ABCA13: variants seen among roughly 807,000 people sequenced by gnomAD.
ABCA13 encodes the protein ATP-binding cassette sub-family A member 13.
Under a neutral mutation model 478.7 loss-of-function variants are expected in ABCA13, and 476 were observed. The ratio of observed to expected loss-of-function variants is 0.99; its 90% CI spans 0.92 to 1.07. The LOEUF is 1.07. ABCA13 is among the 50% of genes least tolerant of loss of function. The pLI, the probability that ABCA13 is intolerant of heterozygous loss-of-function variation, is 0.00. For missense variants in ABCA13, 6,060 were observed against 5,910.6 expected, an observed-to-expected ratio of 1.03 and a Z score of -0.83; for synonymous variants, 2,252 against 2,158.9, an observed-to-expected ratio of 1.04 and a Z score of -1.20.
chr7:48,368,202 A>G (rs1811990516), intron 32 of ABCA13, among the ~76,000 whole-genome samples: 1 of 152,188 alleles, frequency 6.6e-6, no homozygotes, highest in Admixed American at 6.6e-5. Context: ...AACCCAGAAA[A>G]ACATAGCAGC....
At chr7:48,546,114 G>A (rs1257521249) in intron 55 of ABCA13, among the ~76,000 whole-genome samples, 1 of 151,752 alleles carries the variant, frequency 6.6e-6, no homozygotes, top group African/African-American at 2.4e-5. Flanking sequence ...AAGGTGGCAG[G>A]TCACCACAAA....
intron 19 of ABCA13, among the ~76,000 whole-genome samples, chr7:48,282,476 C>T (rs1053889316): frequency 2.6e-5 from 4 of 152,024 alleles, no homozygotes; most frequent in Non-Finnish European, 4.4e-5. Context: ...AATCGAAGCC[C>T]AGAAGAGGAG....
rs1343842789 is a variant in ABCA13, at chr7:48,272,174, A to G, written c.2508A>G (p.Glu836=). Residue 836 remains glutamate (E), a synonymous_variant, in exon 17 of 62, where the codon GAA becomes GAG. Coordinates refer to ENST00000435803, the MANE Select transcript of ABCA13 (RefSeq NM_152701.5). ...TTGAAATTAATCCCAAATTACTAGA[A>G]TTATGGGCCTATGGCATTTCAAAAG... ...ILFEINPKLL[E]LWAYGISKGK... 1.2e-6 allele frequency: 2 copies of G among 1,613,124 alleles called. No homozygotes were observed. Among genetic ancestry groups the G allele is most frequent in the Admixed American group, 3.3e-5 (2 of 59,890 alleles).
At chr7:48,175,461 C>T (rs1450877046) in intron 1 of ABCA13, among the ~76,000 whole-genome samples, 7 of 152,126 alleles carry the variant, frequency 4.6e-5, no homozygotes. Flanking sequence ...GCTCATGTCA[C>T]CCAGGCTGGA....
At chr7:48,249,419 C>G in intron 15 of ABCA13, 68 bp downstream of exon 15, 1 of 1,590,060 alleles carries the variant, frequency 6.3e-7, no homozygotes, top group South Asian at 1.2e-5. Context: ...ACATAATTTC[C>G]TGAGAGTCCA....
chr7:48,220,487 G>A (rs1024822649), intron 4 of ABCA13, among the ~76,000 whole-genome samples: 2 of 152,150 alleles, frequency 1.3e-5, no homozygotes, highest in African/African-American at 4.8e-5. Flanking sequence ...CTTTCTTCAT[G>A]GAGTGTATAC....
At chr7:48,474,810 T>C (rs756669686) in intron 45 of ABCA13, among the ~76,000 whole-genome samples, 8 of 152,332 alleles carry the variant, frequency 5.3e-5, no homozygotes, top group Non-Finnish European at 8.8e-5. Context: ...TCTATTATAG[T>C]AGTGGCTTTT....
At chr7:48,210,855 A>G (rs1300717349) in intron 3 of ABCA13, among the ~76,000 whole-genome samples, 1 of 152,132 alleles carries the variant, frequency 6.6e-6, no homozygotes, top group Admixed American at 6.5e-5. Context: ...TATTAGGTTC[A>G]TTTCATCTAT....
chr7:48,513,619 C>T lies in ABCA13; in HGVS notation c.13640+2420C>T, dbSNP rs1475752527. ...GATTTTCAAAAGGGGAATTTTCTTCCGCCATAAATTCCATGATGTTGTGAA... is the reference window on the plus strand; with the variant it reads ...GATTTTCAAAAGGGGAATTTTCTTCTGCCATAAATTCCATGATGTTGTGAA... On this transcript the variant is annotated intron_variant, in intron 51 of 61. Transcript: ENST00000435803. 3.9e-5 allele frequency among the ~76,000 whole-genome samples: 6 copies of T among 152,182 alleles called. No homozygotes were observed. The South Asian group carries it at 6.2e-4, about 16-fold the overall frequency.
Position 48,309,977 on chromosome 7 carries a change from T to G in ABCA13, c.9352T>G (p.Ser3118Ala). 6.2e-7 allele frequency: 1 copy of G among 1,613,890 alleles called. No homozygotes were observed. The highest frequency in any genetic ancestry group is 8.5e-7 in the Non-Finnish European group (1 of 1,179,796). Residue 3118 changes from serine (S) to alanine (A), a missense_variant, in exon 24 of 62, where the codon TCT becomes GCT. This residue lies in a region of ABCA13 where 4,423 missense variants were observed against 4,309.1 expected (regional missense o/e 1.03). Transcript: ENST00000435803. ...CTTCAGTGCCCTCACCGTAGCTCTGTCTGGAAAGTGTGATCAGGAAATCCT... is the reference window on the plus strand; with the variant it reads ...CTTCAGTGCCCTCACCGTAGCTCTGGCTGGAAAGTGTGATCAGGAAATCCT... Reference protein sequence around the residue: ...VLFSALTVALSGKCDQEILHL... With the variant: ...VLFSALTVALAGKCDQEILHL...
At chr7:48,563,963 A>G (rs952112478) in intron 55 of ABCA13, among the ~76,000 whole-genome samples, 14 of 152,112 alleles carry the variant, frequency 9.2e-5, no homozygotes, top group African/African-American at 2.4e-4. Context: ...TACAGGGACT[A>G]TATTAACTCT....
In ABCA13 at chr7:48,454,841, AGCCTTCCG is replaced by A. The variant is rs1174301188; in HGVS notation, c.12566-192_12566-185del. ...GCCACGAGGCTTCCTCTTGCATTGC[AGCCTTCCG>A]GCCCAAGGCCCAGCTTCCGCACTTT... On this transcript the variant is annotated intron_variant, in intron 42 of 61. Coordinates refer to ENST00000435803, the MANE Select transcript of ABCA13 (RefSeq NM_152701.5). 2.0e-5 allele frequency among the ~76,000 whole-genome samples: 3 copies of A among 152,268 alleles called. No homozygotes were observed. In the East Asian group the frequency reaches 5.8e-4, roughly 29 times the overall value.
chr7:48,344,646 G>GT (rs1026317591), intron 29 of ABCA13, among the ~76,000 whole-genome samples: 14 of 152,040 alleles, frequency 9.2e-5, no homozygotes, highest in Non-Finnish European at 7.3e-5. Flanking sequence ...GGCCCTATGT[G>GT]TTTTTCTTGG....
intron 1 of ABCA13, among the ~76,000 whole-genome samples, chr7:48,192,079 A>G (rs1188694103): frequency 2.6e-5 from 4 of 152,360 alleles, no homozygotes; most frequent in Middle Eastern, 3.4e-3. Context: ...CATGAATTCA[A>G]TACAAGATTA....
chr7:48,392,076 T>A lies in ABCA13; in HGVS notation c.11810T>A (p.Leu3937Gln), dbSNP rs573959262. 2.5e-6 allele frequency: 4 copies of A among 1,613,998 alleles called. No individual in the cohort carries two copies. In the Admixed American group the frequency reaches 5.0e-5, roughly 20 times the overall value. ...LDNLTVREHL[L>Q]LFASIKAPQW... ...AACCTCACCGTCCGGGAACATTTGC[T>A]GCTCTTTGCTTCCATAAAGGCGCCT... Residue 3937 changes from leucine to glutamine, a missense_variant, in exon 38 of 62, where the codon CTG becomes CAG. By Grantham distance (113) the Leu-to-Gln change is moderately radical. This residue lies in a region of ABCA13 where 1,627 missense variants were observed against 1,571.0 expected (regional missense o/e 1.04). Coordinates refer to ENST00000435803, the MANE Select transcript of ABCA13 (RefSeq NM_152701.5).
intron 31 of ABCA13, among the ~76,000 whole-genome samples, 163 bp downstream of exon 31, chr7:48,352,650 G>C (rs371572681): frequency 5.9e-5 from 9 of 152,136 alleles, no homozygotes; most frequent in Admixed American, 3.3e-4. Flanking sequence ...TTATATGCTT[G>C]TACTCTTCAG....
Position 48,278,959 on chromosome 7 carries a change from G to A in ABCA13, c.7765G>A (p.Asp2589Asn), listed in dbSNP as rs759440341. 17 of 1,613,426 alleles carry A rather than the reference G, an allele frequency of 1.1e-5. No homozygotes were observed. In the East Asian group the frequency reaches 3.6e-4, roughly 34 times the overall value. ...TCATTTCACATTTGAAAAGATAAATGATTTGTTGGTGCCATTTCTTGACTT... is the reference window on the plus strand; with the variant it reads ...TCATTTCACATTTGAAAAGATAAATAATTTGTTGGTGCCATTTCTTGACTT... ...IDHFTFEKIN[D>N]LLVPFLDLAF... The change falls in exon 18 of 62, where the codon GAT becomes AAT. Residue 2589 changes from aspartate to asparagine, a missense_variant. Around this residue, in one of 3 missense-constraint regions of ABCA13, gnomAD observed 4,423 missense variants for 4,309.1 expected, o/e 1.03. Transcript: ENST00000435803.
chr7:48,614,739 C>A (rs1792379971), intron 58 of ABCA13, among the ~76,000 whole-genome samples: 2 of 150,156 alleles, frequency 1.3e-5, no homozygotes, highest in South Asian at 2.1e-4. Flanking sequence ...TTTGTAGGGA[C>A]ATGGATGAAA....
At position 48,389,118 on chromosome 7, in the gene ABCA13, A is replaced by C; in HGVS notation, c.11552A>C (p.Tyr3851Ser). 1 of 1,613,886 alleles carries C rather than the reference A, an allele frequency of 6.2e-7. No homozygotes were observed. The highest frequency in any genetic ancestry group is 8.5e-7 in the Non-Finnish European group (1 of 1,179,848). Residue 3851 changes from tyrosine (Y) to serine (S), a missense_variant, in exon 37 of 62, where the codon TAT (tyrosine) becomes TCT (serine). Tyr to Ser is a moderately radical substitution (Grantham distance 144, BLOSUM62 -2). This residue lies in a region of ABCA13 where 1,627 missense variants were observed against 1,571.0 expected (regional missense o/e 1.04). Transcript: ENST00000435803. ...ACCCTGGTGTCTGTGACCAAGGAATATGAGGGCCACAAGGCTGTGGTCCAA... is the reference window on the plus strand; with the variant it reads ...ACCCTGGTGTCTGTGACCAAGGAATCTGAGGGCCACAAGGCTGTGGTCCAA... Reference protein sequence around the residue: ...GVTLVSVTKEYEGHKAVVQDL... With the variant: ...GVTLVSVTKESEGHKAVVQDL...
Sources: gnomAD v4.1 joint callset for allele counts (sites outside exome capture counted in the v4.1 genomes callset) on GRCh38, gnomAD v4.1.1 for gene constraint, gnomAD v4.1.1 regional missense constraint, MANE v1.5 for transcripts, NCBI Gene and HGNC (gene_info 2026-07-23, HGNC 2026-07-21) for gene names.